Variants in HTR1F observed in about 807,000 individuals in gnomAD.
HTR1F encodes the protein 5-hydroxytryptamine (serotonin) receptor 1F, G protein-coupled.
In HTR1F, 17 loss-of-function variants were observed where a neutral mutation model predicts 24.0. That is an observed-to-expected ratio of 0.71 (90% confidence interval 0.48 to 1.06). The LOEUF (loss-of-function observed/expected upper bound fraction) is 1.06, where lower values mean the gene tolerates loss of function less well. HTR1F is among the 50% of genes least tolerant of loss of function. HTR1F has a pLI of 0.00. For missense variants in HTR1F, 391 were observed against 427.8 expected, an observed-to-expected ratio of 0.91 and a Z score of 0.76; for synonymous variants, 186 against 156.8, an observed-to-expected ratio of 1.19 and a Z score of -1.39.
chr3:87,955,193 G>T (rs1704917480), intron 2 of HTR1F, among the ~76,000 whole-genome samples: 1 of 151,408 alleles, frequency 6.6e-6, no homozygotes, highest in Non-Finnish European at 1.5e-5. Flanking sequence ...GACTCCTCAG[G>T]TTTTTTTGCA....
intron 2 of HTR1F, among the ~76,000 whole-genome samples, chr3:87,966,297 C>A (rs772282648): frequency 6.6e-6 from 1 of 152,158 alleles, no homozygotes; most frequent in Non-Finnish European, 1.5e-5. Flanking sequence ...AATACCATAA[C>A]CTTGGGAGTA....
At chr3:87,860,257 T>C (rs984440199) in intron 2 of HTR1F, among the ~76,000 whole-genome samples, 4 of 152,210 alleles carry the variant, frequency 2.6e-5, no homozygotes, top group Admixed American at 6.5e-5. Context: ...CTTTTCTAGA[T>C]CGGAAGCAAT....
rs1288756554 is a variant in HTR1F, at chr3:87,992,260, T to C, written c.*410T>C. The C allele has an allele frequency of 6.0e-6, 1 of 167,406 alleles. No individual in the cohort carries two copies. Among genetic ancestry groups the C allele is most frequent in the Non-Finnish European group, 1.5e-5 (1 of 68,370 alleles). The allele number at this position is 167,406 out of a possible 1,614,324, so 10.4% of individuals were successfully genotyped here. On this transcript the variant is annotated 3_prime_UTR_variant, in exon 3 of 3. Transcript: ENST00000319595. ...TGTTTTATAATATAATTCTATTATT[T>C]TGTATAAGAAAATATAATTCACCAC...
chr3:87,898,752 T>C (rs1706256369), intron 2 of HTR1F, among the ~76,000 whole-genome samples: 1 of 152,148 alleles, frequency 6.6e-6, no homozygotes, highest in Non-Finnish European at 1.5e-5. Flanking sequence ...CATATGATAT[T>C]TTATTTATTC....
intron 2 of HTR1F, among the ~76,000 whole-genome samples, chr3:87,822,765 C>T (rs1704384278): frequency 6.6e-6 from 1 of 152,126 alleles, no homozygotes. Flanking sequence ...ATACGTGTTG[C>T]CTCTGATTAT....
At chr3:87,937,089 A>T (rs527735470) in intron 2 of HTR1F, among the ~76,000 whole-genome samples, 1 of 151,376 alleles carries the variant, frequency 6.6e-6, no homozygotes, top group South Asian at 2.1e-4. Flanking sequence ...TACCCAAAAA[A>T]AAAAAAAAAA....
intron 2 of HTR1F, among the ~76,000 whole-genome samples, chr3:87,881,970 G>C (rs1705813555): frequency 6.6e-6 from 1 of 151,976 alleles, no homozygotes; most frequent in African/African-American, 2.4e-5. Flanking sequence ...TCTGACAAAG[G>C]GCTAATATCC....
At chr3:87,794,336 TC>T (rs766233935) in intron 1 of HTR1F, among the ~76,000 whole-genome samples, 12 of 151,934 alleles carry the variant, frequency 7.9e-5, no homozygotes, top group Non-Finnish European at 1.5e-4. Context: ...CGTTCATGCT[TC>T]CCCCCACCCC....
chr3:87,854,482 T>C (rs1251696990), intron 2 of HTR1F, among the ~76,000 whole-genome samples: 1 of 151,570 alleles, frequency 6.6e-6, no homozygotes, highest in African/African-American at 2.4e-5. Context: ...ATACCTAGGG[T>C]AGGTGTGGCT....
chr3:87,837,960 A>G (rs1575926885), intron 2 of HTR1F, among the ~76,000 whole-genome samples: 2 of 152,080 alleles, frequency 1.3e-5, no homozygotes, highest in South Asian at 4.1e-4. Flanking sequence ...TCTTACTCAA[A>G]TGTTTTCAGA....
At chr3:87,855,845 G>T (rs1435074076) in intron 2 of HTR1F, among the ~76,000 whole-genome samples, 1 of 151,970 alleles carries the variant, frequency 6.6e-6, no homozygotes, top group East Asian at 1.9e-4. Flanking sequence ...CACACTTTCT[G>T]CCTATTAGTC....
At chr3:87,900,299 T>C (rs1198829865) in intron 2 of HTR1F, among the ~76,000 whole-genome samples, 3 of 152,142 alleles carry the variant, frequency 2.0e-5, no homozygotes, top group African/African-American at 7.2e-5. Flanking sequence ...GAATGAACTT[T>C]TAAGGCAGCA....
chr3:87,946,165 A>T (rs1459304473), intron 2 of HTR1F, among the ~76,000 whole-genome samples: 1 of 152,234 alleles, frequency 6.6e-6, no homozygotes, highest in Non-Finnish European at 1.5e-5. Flanking sequence ...CAATGGGCGC[A>T]TCGCTGGATC....
At chr3:87,818,915 C>G (rs927805875) in intron 1 of HTR1F, among the ~76,000 whole-genome samples, 5 of 152,196 alleles carry the variant, frequency 3.3e-5, no homozygotes, top group Non-Finnish European at 7.3e-5. Flanking sequence ...TGACCATCCT[C>G]AACAACTAGC....
intron 2 of HTR1F, among the ~76,000 whole-genome samples, chr3:87,977,461 T>G (rs989347404): frequency 2.4e-4 from 35 of 148,530 alleles, no homozygotes; most frequent in Non-Finnish European, 3.3e-4. Context: ...TGCAGTGGCT[T>G]GATCTCAGCT....
intron 2 of HTR1F, among the ~76,000 whole-genome samples, chr3:87,851,924 T>C (rs1197546209): frequency 6.7e-6 from 1 of 149,194 alleles, no homozygotes; most frequent in Non-Finnish European, 1.5e-5. Flanking sequence ...AATAACAGTT[T>C]AATTTACTTT....
Position 87,991,001 on chromosome 3 carries a change from T to G in HTR1F, c.252T>G (p.Ile84Met). The G allele has an allele frequency of 6.2e-7, 1 of 1,614,176 alleles. No individual in the cohort carries two copies. The highest frequency in any genetic ancestry group is 8.5e-7 in the Non-Finnish European group (1 of 1,180,036). Residue 84 changes from isoleucine (I) to methionine (M), a missense_variant, in exon 3 of 3, where the codon ATT (isoleucine) becomes ATG (methionine). Ile to Met is a conservative substitution (Grantham distance 10). Coordinates refer to ENST00000319595, the MANE Select transcript of HTR1F (RefSeq NM_001322209.2). ...TGATGCCCTTCAGCATTGTGTATAT[T>G]GTGAGAGAGAGCTGGATTATGGGGC... is the stretch of plus-strand genomic sequence containing the variant. ...VLVMPFSIVY[I>M]VRESWIMGQV...
chr3:87,983,195 A>T (rs565049697), intron 2 of HTR1F, among the ~76,000 whole-genome samples: 1 of 152,324 alleles, frequency 6.6e-6, no homozygotes, highest in Admixed American at 6.5e-5. Context: ...ATTCAAAGCC[A>T]AAAAGTTAAG....
At chr3:87,864,328 T>G (rs1041697478) in intron 2 of HTR1F, among the ~76,000 whole-genome samples, 1 of 152,182 alleles carries the variant, frequency 6.6e-6, no homozygotes, top group Non-Finnish European at 1.5e-5. Flanking sequence ...AGCCCAAATC[T>G]CAGTTCACTC....
Sources: gnomAD v4.1 joint callset for allele counts (sites outside exome capture counted in the v4.1 genomes callset) on GRCh38, gnomAD v4.1.1 for gene constraint, MANE v1.5 for transcripts, NCBI Gene and HGNC (gene_info 2026-07-23, HGNC 2026-07-21) for gene names.